ADAMTSL1: variants seen among roughly 807,000 people sequenced by gnomAD.
ADAMTSL1 encodes the protein ADAMTS-like protein 1.
A neutral mutation model predicts 201.8 loss-of-function variants in ADAMTSL1; 126 were observed. That is an observed-to-expected ratio of 0.62 (90% CI 0.54 to 0.72). The LOEUF is 0.72. Among genes scored for constraint, ADAMTSL1 ranks in the 30% least tolerant of loss-of-function variants. The pLI, the probability that ADAMTSL1 is intolerant of heterozygous loss-of-function variation, is 0.00. For synonymous variants in ADAMTSL1, 1,121 were observed against 903.4 expected, an observed-to-expected ratio of 1.24 and a Z score of -4.32; for missense variants, 2,679 against 2,277.8, an observed-to-expected ratio of 1.18 and a Z score of -3.59.
chr9:18,134,787 G>A (rs973401524), intron 1 of ADAMTSL1, among the ~76,000 whole-genome samples: 2 of 152,284 alleles, frequency 1.3e-5, no homozygotes, highest in East Asian at 3.9e-4. Context: ...CTTTAAAGTA[G>A]GAAACAGAAT....
At position 18,908,416 on chromosome 9, in the gene ADAMTSL1, C is replaced by G. The variant is rs111489685; in HGVS notation, c.5183-26C>G. The G allele has an allele frequency of 2.3e-4, 351 of 1,538,958 alleles. No homozygotes were observed. In the African/African-American group the frequency reaches 4.1e-3, roughly 18 times the overall value. On this transcript the variant is annotated intron_variant, in intron 28 of 28. Coordinates refer to ENST00000380548, the MANE Select transcript of ADAMTSL1 (RefSeq NM_001040272.6). The stretch of plus-strand genomic sequence containing the variant: ...GTTTCACATCTCTTTTCTGTCTCCT[C>G]TCCCGACCCCGTCCTCCTTTCCCAG...
At chr9:18,335,279 T>C (rs1835187248) in intron 2 of ADAMTSL1, among the ~76,000 whole-genome samples, 1 of 152,186 alleles carries the variant, frequency 6.6e-6, no homozygotes, top group Admixed American at 6.5e-5. Context: ...GAAAATATTC[T>C]AGGCAGCTAT....
intron 2 of ADAMTSL1, among the ~76,000 whole-genome samples, chr9:18,238,977 T>C (rs1015775784): frequency 2.0e-5 from 3 of 152,234 alleles, no homozygotes; most frequent in Non-Finnish European, 4.4e-5. Flanking sequence ...GGTTTCCCAG[T>C]GCATATAAAA....
At chr9:17,982,039 G>T (rs1028382681) in intron 1 of ADAMTSL1, among the ~76,000 whole-genome samples, 2 of 152,258 alleles carry the variant, frequency 1.3e-5, no homozygotes, top group Non-Finnish European at 2.9e-5. Flanking sequence ...AAGGGAGAAG[G>T]CCTGGTTTAT....
chr9:17,913,405 C>T (rs1588404447), intron 1 of ADAMTSL1, among the ~76,000 whole-genome samples: 1 of 152,096 alleles, frequency 6.6e-6, no homozygotes, highest in East Asian at 1.9e-4. Flanking sequence ...TTGAAGAGGT[C>T]CTTCACATCC....
At chr9:18,667,318 G>T (rs570373918) in intron 9 of ADAMTSL1, among the ~76,000 whole-genome samples, 1 of 150,834 alleles carries the variant, frequency 6.6e-6, no homozygotes, top group Admixed American at 6.6e-5. Flanking sequence ...ATGCAACTAT[G>T]AAGAAATACC....
intron 2 of ADAMTSL1, among the ~76,000 whole-genome samples, chr9:18,170,245 A>G (rs183792381): frequency 6.6e-6 from 1 of 152,176 alleles, no homozygotes; most frequent in East Asian, 1.9e-4. Context: ...TTTGTATTCT[A>G]AACTAATACT....
intron 2 of ADAMTSL1, among the ~76,000 whole-genome samples, chr9:18,271,954 G>T (rs13294436): frequency 0.035 from 4,902 of 141,992 alleles, 152 homozygotes; most frequent in African/African-American, 0.058. Context: ...TCATGTGTCT[G>T]TTGGCTGCAT....
intron 20 of ADAMTSL1, among the ~76,000 whole-genome samples, chr9:18,801,111 T>C (rs1822770029): frequency 6.6e-6 from 1 of 152,208 alleles, no homozygotes; most frequent in Non-Finnish European, 1.5e-5. Flanking sequence ...AAGGGCCCTG[T>C]AATATTTATG....
At chr9:18,430,635 T>C (rs1056858057) in intron 2 of ADAMTSL1, among the ~76,000 whole-genome samples, 18 of 152,168 alleles carry the variant, frequency 1.2e-4, no homozygotes, top group Non-Finnish European at 2.4e-4. Flanking sequence ...ATCCCAAGCA[T>C]CACACAACTA....
chr9:18,791,103 ATAGAG>A, intron 19 of ADAMTSL1, among the ~76,000 whole-genome samples: 1 of 152,354 alleles, frequency 6.6e-6, no homozygotes, highest in Non-Finnish European at 1.5e-5. Context: ...AGCTAAATTA[ATAGAG>A]TAGACTACTG....
chr9:18,125,152 T>C (rs1421314398), intron 1 of ADAMTSL1, among the ~76,000 whole-genome samples: 2 of 152,168 alleles, frequency 1.3e-5, no homozygotes, highest in African/African-American at 4.8e-5. Flanking sequence ...CACAGTTCCA[T>C]GTGGCTGGGG....
At chr9:18,458,944 A>G (rs952775622) in intron 2 of ADAMTSL1, among the ~76,000 whole-genome samples, 1 of 152,198 alleles carries the variant, frequency 6.6e-6, no homozygotes, top group Non-Finnish European at 1.5e-5. Flanking sequence ...TTTAAAAAAC[A>G]GTATTTGCTG....
rs1414327316 is a variant in ADAMTSL1 at position 17,949,406 on chromosome 9, G to A, written c.87+42484G>A. Among the ~76,000 whole-genome samples the A allele has an allele frequency of 2.0e-5, 3 of 152,182 alleles. No individual in the cohort carries two copies. The South Asian group carries it at 6.2e-4, about 31-fold the overall frequency. On this transcript the variant is annotated intron_variant, in intron 1 of 29. Transcript: ENST00000680146. ...GTTGGTCAGAGGAAAGACAAATTAG[G>A]TTATCTCCACTATTAAGCAGGGCTT...
chr9:18,464,587 T>C (rs1587288394), intron 2 of ADAMTSL1, among the ~76,000 whole-genome samples: 1 of 152,280 alleles, frequency 6.6e-6, no homozygotes, highest in Non-Finnish European at 1.5e-5. Flanking sequence ...ATTTAATGAG[T>C]TATGACAGTC....
At chr9:18,433,773 T>C (rs1204131587) in intron 2 of ADAMTSL1, among the ~76,000 whole-genome samples, 2 of 152,188 alleles carry the variant, frequency 1.3e-5, no homozygotes, top group African/African-American at 2.4e-5. Context: ...AGGAAAGTTT[T>C]CAAATAGTTC....
chr9:18,264,477 G>C (rs1354739878), intron 2 of ADAMTSL1, among the ~76,000 whole-genome samples: 2 of 152,130 alleles, frequency 1.3e-5, no homozygotes, highest in Non-Finnish European at 2.9e-5. Flanking sequence ...ATAACAACCT[G>C]TAGGGGCTGG....
At chr9:18,073,229 A>G (rs1473676079) in intron 1 of ADAMTSL1, among the ~76,000 whole-genome samples, 1 of 152,150 alleles carries the variant, frequency 6.6e-6, no homozygotes, top group East Asian at 1.9e-4. Context: ...AAAGTGCATG[A>G]CATACTGCAA....
chr9:18,048,734 G>A (rs907523552), intron 1 of ADAMTSL1, among the ~76,000 whole-genome samples: 2 of 152,092 alleles, frequency 1.3e-5, no homozygotes, highest in African/African-American at 4.8e-5. Flanking sequence ...GCTTTCCTTC[G>A]TCCTTACCAG....
Sources: gnomAD v4.1 joint callset for allele counts (sites outside exome capture counted in the v4.1 genomes callset) on GRCh38, gnomAD v4.1.1 for gene constraint, MANE v1.5 for transcripts, NCBI Gene and HGNC (gene_info 2026-07-23, HGNC 2026-07-21) for gene names.